PIAS1: variants seen among roughly 807,000 people sequenced by gnomAD.
The protein encoded by PIAS1 is E3 SUMO-protein ligase PIAS1.
Under a neutral mutation model 71.3 loss-of-function variants are expected in PIAS1, and 6 were observed. The ratio of observed to expected loss-of-function variants is 0.08; its 90% CI spans 0.05 to 0.17. The LOEUF is 0.17. PIAS1 is among the 10% of genes least tolerant of loss of function. The pLI, the probability that PIAS1 is intolerant of heterozygous loss-of-function variation, is 1.00. For missense variants in PIAS1, 555 were observed against 793.6 expected, an observed-to-expected ratio of 0.70 and a Z score of 3.61; for synonymous variants, 303 against 292.9, an observed-to-expected ratio of 1.03 and a Z score of -0.35.
At chr15:68,128,647 C>T (rs918344112) in intron 2 of PIAS1, among the ~76,000 whole-genome samples, 1 of 151,992 alleles carries the variant, frequency 6.6e-6, no homozygotes, top group Non-Finnish European at 1.5e-5. Context: ...TTTATTAGAA[C>T]ATCATCTGTT....
intron 1 of PIAS1, among the ~76,000 whole-genome samples, chr15:68,063,901 A>G (rs1261625181): frequency 1.4e-5 from 1 of 69,146 alleles, no homozygotes; most frequent in East Asian, 3.9e-4. Context: ...ATCACTGTGC[A>G]CTTGGAATTA....
chr15:68,066,391 G>A (rs1338117494), intron 1 of PIAS1, among the ~76,000 whole-genome samples: 1 of 152,114 alleles, frequency 6.6e-6, no homozygotes, highest in Non-Finnish European at 1.5e-5. Context: ...TTACAGGTGT[G>A]AGCCACCATG....
At chr15:68,183,893 G>T (rs971268058) in intron 13 of PIAS1, 2 of 359,112 alleles carry the variant, frequency 5.6e-6, no homozygotes, top group East Asian at 5.6e-5. Context: ...TGTCAGTCAT[G>T]TAAAAGTATC....
chr15:68,069,327 C>T (rs1450347417), intron 1 of PIAS1, among the ~76,000 whole-genome samples: 1 of 152,204 alleles, frequency 6.6e-6, no homozygotes, highest in Non-Finnish European at 1.5e-5. Flanking sequence ...AACAAGCATT[C>T]TCCCTTACGC....
At chr15:68,079,044 CTTTTT>C (rs34874800) in intron 1 of PIAS1, among the ~76,000 whole-genome samples, 1 of 143,374 alleles carries the variant, frequency 7.0e-6, no homozygotes, top group Non-Finnish European at 1.5e-5. Context: ...GTTAATCCCT[CTTTTT>C]TTTTTTTTTT....
At chr15:68,136,357 CG>C (rs528801261) in intron 2 of PIAS1, among the ~76,000 whole-genome samples, 5,153 of 50,316 alleles carry the variant, frequency 0.1, 2,217 homozygotes, top group Non-Finnish European at 0.23. Context: ...CCCGGCGCCT[CG>C]GGAGGCCGAG....
At chr15:68,077,731 T>C (rs1345128722) in intron 1 of PIAS1, among the ~76,000 whole-genome samples, 1 of 152,226 alleles carries the variant, frequency 6.6e-6, no homozygotes, top group Admixed American at 6.5e-5. Context: ...CTGTAGTTGT[T>C]ATTACCATGT....
intron 2 of PIAS1, among the ~76,000 whole-genome samples, chr15:68,140,669 T>C (rs2092763974): frequency 6.6e-6 from 1 of 152,172 alleles, no homozygotes; most frequent in South Asian, 2.1e-4. Flanking sequence ...AATGATACGT[T>C]TGGTATCGAC....
At chr15:68,177,947 G>A (rs1458638708) in intron 11 of PIAS1, among the ~76,000 whole-genome samples, 1 of 152,214 alleles carries the variant, frequency 6.6e-6, no homozygotes, top group African/African-American at 2.4e-5. Context: ...AAAGAATGTA[G>A]GAGAGAGAAG....
chr15:68,082,047 TG>T (rs771362235), intron 1 of PIAS1, among the ~76,000 whole-genome samples: 4 of 152,128 alleles, frequency 2.6e-5, no homozygotes, highest in Non-Finnish European at 5.9e-5. Context: ...TTCTTAACAC[TG>T]GAAGCCAGAA....
chr15:68,093,367 G>A lies in PIAS1; in HGVS notation c.469+6617G>A, dbSNP rs568417770. 7.9e-5 allele frequency among the ~76,000 whole-genome samples: 12 copies of A among 152,374 alleles called. No individual in the cohort carries two copies. The South Asian group carries it at 2.3e-3, about 29-fold the overall frequency. ...TGGTTCTTGGTAAGCATACCACATG[G>A]TGTGAGCAGAATTGTGCGGAAGCAC... On this transcript the variant is annotated intron_variant, in intron 2 of 13. Coordinates refer to ENST00000249636, the MANE Select transcript of PIAS1 (RefSeq NM_016166.3).
At chr15:68,088,630 G>A (rs535685094) in intron 2 of PIAS1, among the ~76,000 whole-genome samples, 106 of 152,146 alleles carry the variant, frequency 7.0e-4, no homozygotes, top group African/African-American at 2.5e-3. Context: ...TCACCACAAA[G>A]TAATTTGTGG....
chr15:68,130,770 TAAG>T (rs965357767), intron 2 of PIAS1, among the ~76,000 whole-genome samples: 2 of 151,698 alleles, frequency 1.3e-5, no homozygotes, highest in African/African-American at 4.8e-5. Flanking sequence ...GGAGGAATAA[TAAG>T]ATTTAAATTA....
At position 68,086,661 on chromosome 15, in the gene PIAS1, C is replaced by T. The variant is rs1328274055; in HGVS notation, c.380C>T (p.Ser127Leu). The stretch of plus-strand genomic sequence containing the variant: ...GAACTGGAACTCCCACATCTTACAT[C>T]AGCTCTTCACCCAGTCCATCCGGAT... ...KHELELPHLTSALHPVHPDIK... is the reference protein window; with the variant it reads ...KHELELPHLTLALHPVHPDIK... The change falls in exon 2 of 14, where the codon TCA (serine) becomes TTA (leucine). Residue 127 changes from serine to leucine, a missense_variant. Coordinates refer to ENST00000249636, the MANE Select transcript of PIAS1 (RefSeq NM_016166.3). This position sits in a 1 kb window ranked among gnomAD's most constrained non-coding sequence, Gnocchi z 7.2. 3 of 1,613,014 alleles carry T rather than the reference C, an allele frequency of 1.9e-6. No homozygotes were observed. The highest frequency in any genetic ancestry group is 2.5e-6 in the Non-Finnish European group (3 of 1,179,108).
chr15:68,187,139 GT>G lies in PIAS1; in HGVS notation c.1663-399del, dbSNP rs1025551663. On this transcript the variant is annotated intron_variant, in intron 13 of 13. Coordinates refer to ENST00000249636, the MANE Select transcript of PIAS1 (RefSeq NM_016166.3). The surrounding 1 kb of genome is among the most constrained non-coding windows in gnomAD (Gnocchi z 5.3). Reference sequence around the variant, plus strand: ...ACAGTGTCTGTTGGTTTCCAGTACTGTTTTATAAAGAAACAGGGCAGTGAGT... The same window carrying G: ...ACAGTGTCTGTTGGTTTCCAGTACTGTTTATAAAGAAACAGGGCAGTGAGT... Among the ~76,000 whole-genome samples the G allele has an allele frequency of 1.3e-5, 2 of 152,140 alleles. No homozygotes were observed. The highest frequency in any genetic ancestry group is 4.8e-5 in the African/African-American group (2 of 41,436).
Position 68,179,464 on chromosome 15 carries a change from G to A in PIAS1, c.1482-1748G>A, listed in dbSNP as rs1291280662. Among the ~76,000 whole-genome samples, 4 of 150,794 alleles carry A rather than the reference G, an allele frequency of 2.7e-5. No individual in the cohort carries two copies. In the East Asian group the frequency reaches 7.8e-4, roughly 29 times the overall value. On this transcript the variant is annotated intron_variant, in intron 11 of 13. Transcript: ENST00000249636. Reference sequence around the variant, plus strand: ...AAACATTTTTATGAGGCAGACGAGAGTGTGTTTTATGCTTCATATCCCATT... The same window carrying A: ...AAACATTTTTATGAGGCAGACGAGAATGTGTTTTATGCTTCATATCCCATT...
chr15:68,086,184 A>G lies in PIAS1; in HGVS notation c.25-122A>G, dbSNP rs2092279969. The G allele has an allele frequency of 3.1e-6, 2 of 638,510 alleles. No individual in the cohort carries two copies. The highest frequency in any genetic ancestry group is 1.8e-5 in the African/African-American group (1 of 54,788). 39.6% of individuals were successfully genotyped at this position (638,510 alleles called of 1,614,324 possible). A position where few individuals can be genotyped will look rare whatever the true frequency, so the allele number is the denominator to read the frequency against. ...TTGAAGTTTGAAATAATAGGATTAT[A>G]AGTGAGCTGGCCTTTATTTGCTTAA... On this transcript the variant is annotated intron_variant, in intron 1 of 13. Coordinates refer to ENST00000249636, the MANE Select transcript of PIAS1 (RefSeq NM_016166.3). The surrounding 1 kb of genome is among the most constrained non-coding windows in gnomAD (Gnocchi z 7.2).
At chr15:68,140,895 G>A (rs557996164) in intron 2 of PIAS1, among the ~76,000 whole-genome samples, 1 of 151,952 alleles carries the variant, frequency 6.6e-6, no homozygotes, top group East Asian at 1.9e-4. Context: ...AGTATAAATA[G>A]TTTAATCTGC....
intron 2 of PIAS1, among the ~76,000 whole-genome samples, chr15:68,126,072 C>T (rs971858907): frequency 6.6e-6 from 1 of 151,970 alleles, no homozygotes; most frequent in African/African-American, 2.4e-5. Flanking sequence ...TTTTTATGTG[C>T]AGTGTTCTGA....
Sources: allele counts gnomAD v4.1 joint callset (sites outside exome capture counted in the v4.1 genomes callset), GRCh38; gene constraint gnomAD v4.1.1; non-coding constraint Gnocchi (gnomAD v3.1); transcripts MANE v1.5; gene names NCBI Gene and HGNC (gene_info 2026-07-23, HGNC 2026-07-21).